GALNTL6: variants seen among roughly 807,000 people sequenced by gnomAD.
GALNTL6 encodes the protein polypeptide N-acetylgalactosaminyltransferase like 6.
Under a neutral mutation model 73.7 loss-of-function variants are expected in GALNTL6, and 46 were observed. The ratio of observed to expected loss-of-function variants is 0.62; its 90% CI spans 0.49 to 0.80. GALNTL6 has a LOEUF of 0.80. Ranked by LOEUF, GALNTL6 falls within the 30% of genes least tolerant of loss-of-function variation. The probability of loss-of-function intolerance (pLI) is 0.00; values close to 1 mark genes in which losing one functional copy is unlikely to be tolerated. For missense variants in GALNTL6, 604 were observed against 755.0 expected (o/e 0.80, Z 2.34); for synonymous variants, 259 against 263.7 (o/e 0.98, Z 0.17).
intron 2 of GALNTL6, among the ~76,000 whole-genome samples, chr4:171,839,413 G>A (rs916593396): frequency 1.3e-5 from 2 of 152,020 alleles, no homozygotes; most frequent in Admixed American, 6.6e-5. Flanking sequence ...TGATTTAAGG[G>A]AAAATAAAGT....
intron 5 of GALNTL6, among the ~76,000 whole-genome samples, chr4:172,650,600 A>T (rs1482210020): frequency 6.6e-6 from 1 of 152,168 alleles, no homozygotes; most frequent in Non-Finnish European, 1.5e-5. Context: ...ATAAGCCTTA[A>T]AAACCTGGCC....
At chr4:172,460,365 C>T (rs1319988788) in intron 5 of GALNTL6, among the ~76,000 whole-genome samples, 1 of 152,090 alleles carries the variant, frequency 6.6e-6, no homozygotes, top group African/African-American at 2.4e-5. Context: ...CCAAAATTGA[C>T]AAATGGGACC....
At chr4:172,124,609 A>G (rs1733245197) in intron 2 of GALNTL6, among the ~76,000 whole-genome samples, 1 of 152,230 alleles carries the variant, frequency 6.6e-6, no homozygotes, top group African/African-American at 2.4e-5. Context: ...AATAAAGGCA[A>G]CAAAGGAAAT....
chr4:172,233,738 A>G (rs1737150231), intron 3 of GALNTL6, among the ~76,000 whole-genome samples: 2 of 152,026 alleles, frequency 1.3e-5, no homozygotes. Context: ...TTTTGTTGTC[A>G]TTCTTACATT....
intron 12 of GALNTL6, among the ~76,000 whole-genome samples, chr4:173,022,220 GAAGGAAGT>G (rs752480689): frequency 6.7e-6 from 1 of 148,606 alleles, no homozygotes; most frequent in African/African-American, 2.6e-5. Context: ...AGGAAGGAAG[GAAGGAAGT>G]TTTGAAAGTT....
chr4:172,577,516 G>T (rs1381962261), intron 5 of GALNTL6, among the ~76,000 whole-genome samples: 1 of 152,104 alleles, frequency 6.6e-6, no homozygotes, highest in Non-Finnish European at 1.5e-5. Context: ...CCTTTGAATA[G>T]TTCAGTATTG....
intron 5 of GALNTL6, among the ~76,000 whole-genome samples, chr4:172,797,858 C>T (rs535842518): frequency 6.7e-6 from 1 of 149,310 alleles, no homozygotes; most frequent in African/African-American, 2.4e-5. Context: ...TGTTTTTTGT[C>T]TCTCCTGAAT....
chr4:172,686,566 A>G (rs1425323480), intron 5 of GALNTL6, among the ~76,000 whole-genome samples: 1 of 152,246 alleles, frequency 6.6e-6, no homozygotes, highest in Non-Finnish European at 1.5e-5. Flanking sequence ...GCAAATTTCC[A>G]TGCAAGAAAC....
chr4:171,981,575 C>G (rs2111080241), intron 2 of GALNTL6, among the ~76,000 whole-genome samples: 1 of 152,232 alleles, frequency 6.6e-6, no homozygotes, highest in African/African-American at 2.4e-5. Flanking sequence ...TTTGCCTTGG[C>G]TTAGTGATTT....
intron 3 of GALNTL6, among the ~76,000 whole-genome samples, chr4:172,265,028 A>C (rs1738404970): frequency 6.6e-6 from 1 of 151,952 alleles, no homozygotes; most frequent in Admixed American, 6.6e-5. Flanking sequence ...GATAATTCTT[A>C]CTTATTGTTT....
At chr4:172,307,086 A>T (rs972771269) in intron 3 of GALNTL6, among the ~76,000 whole-genome samples, 1 of 152,160 alleles carries the variant, frequency 6.6e-6, no homozygotes, top group African/African-American at 2.4e-5. Flanking sequence ...CCAGCAGTGT[A>T]AAAGTGTTCC....
chr4:171,826,919 C>T (rs1181280363), intron 2 of GALNTL6, among the ~76,000 whole-genome samples: 1 of 152,022 alleles, frequency 6.6e-6, no homozygotes, highest in Non-Finnish European at 1.5e-5. Context: ...CGTACATTTA[C>T]CAGTATCCTT....
intron 2 of GALNTL6, among the ~76,000 whole-genome samples, chr4:171,819,307 T>C (rs1734622240): frequency 6.6e-6 from 1 of 152,154 alleles, no homozygotes; most frequent in Admixed American, 6.5e-5. Flanking sequence ...ATCTTAATTA[T>C]TTGCTGTGAC....
intron 3 of GALNTL6, among the ~76,000 whole-genome samples, chr4:172,240,028 G>A (rs1357622075): frequency 5.9e-5 from 9 of 152,120 alleles, no homozygotes; most frequent in Admixed American, 5.9e-4. Context: ...AATCTAATGA[G>A]TATGTGTCTT....
intron 3 of GALNTL6, among the ~76,000 whole-genome samples, chr4:172,275,977 G>A (rs1025987864): frequency 6.6e-6 from 1 of 152,154 alleles, no homozygotes; most frequent in African/African-American, 2.4e-5. Flanking sequence ...ATAGATCATA[G>A]TTCTGCTTCA....
At chr4:172,694,627 A>G (rs911146482) in intron 5 of GALNTL6, among the ~76,000 whole-genome samples, 1 of 152,196 alleles carries the variant, frequency 6.6e-6, no homozygotes, top group African/African-American at 2.4e-5. Context: ...TGGGGGCTGG[A>G]AGCTTGGAAG....
chr4:172,503,606 T>G (rs72995082), intron 5 of GALNTL6, among the ~76,000 whole-genome samples: 5,664 of 148,892 alleles, frequency 0.038, 348 homozygotes, highest in African/African-American at 0.13. Context: ...TCTAACAATT[T>G]AGCATGTAAA....
At chr4:172,081,918 T>C (rs931142887) in intron 2 of GALNTL6, among the ~76,000 whole-genome samples, 4 of 151,358 alleles carry the variant, frequency 2.6e-5, no homozygotes, top group Admixed American at 2.6e-4. Context: ...GCTCTGTCAC[T>C]GAGGCTAGAG....
At chr4:172,753,028 A>G (rs149996047) in intron 5 of GALNTL6, among the ~76,000 whole-genome samples, 129 of 152,272 alleles carry the variant, frequency 8.5e-4, no homozygotes, top group African/African-American at 2.6e-3. Context: ...CCACATGTGA[A>G]TTGATATGGT....
Sources: gnomAD v4.1 joint callset for allele counts (sites outside exome capture counted in the v4.1 genomes callset) on GRCh38, gnomAD v4.1.1 for gene constraint, MANE v1.5 for transcripts, NCBI Gene and HGNC (gene_info 2026-07-23, HGNC 2026-07-21) for gene names.